The following KDM4C variants were observed in gnomAD, a reference collection of about 807,000 sequenced individuals.
KDM4C encodes the protein lysine-specific demethylase 4C.
In KDM4C, 81 loss-of-function variants were observed where a neutral mutation model predicts 129.3. The observed-to-expected ratio is 0.63, with a 90% CI of 0.52 to 0.75. KDM4C has a LOEUF of 0.75. KDM4C is among the 30% of genes least tolerant of loss of function. The pLI, the probability that KDM4C is intolerant of heterozygous loss-of-function variation, is 0.00. For missense variants in KDM4C, 1,457 were observed against 1,304.0 expected, an observed-to-expected ratio of 1.12 and a Z score of -1.81; for synonymous variants, 573 against 456.1, an observed-to-expected ratio of 1.26 and a Z score of -3.26.
intron 15 of KDM4C, among the ~76,000 whole-genome samples, chr9:7,022,015 T>C (rs1488322928): frequency 1.3e-5 from 2 of 152,230 alleles, no homozygotes; most frequent in African/African-American, 4.8e-5. Context: ...CTGATCTAAG[T>C]GTCTGTTTTT....
chr9:7,103,821 C>A lies in KDM4C; in HGVS notation c.2561C>A (p.Pro854His). ...AGVLMEPDDW[P>H]YVVNITCFRH... Reference sequence around the variant, plus strand: ...GTACTGATGGAGCCTGATGACTGGCCTTATGTGGTGAACATTACATGCTTT... The same window carrying A: ...GTACTGATGGAGCCTGATGACTGGCATTATGTGGTGAACATTACATGCTTT... The change falls in exon 18 of 22, where the codon CCT (proline) becomes CAT (histidine). Residue 854 changes from proline (P) to histidine (H), a missense_variant. Transcript: ENST00000381309. 6.2e-7 allele frequency: 1 copy of A among 1,614,012 alleles called. No individual in the cohort carries two copies. Among genetic ancestry groups the A allele is most frequent in the Non-Finnish European group, 8.5e-7 (1 of 1,179,944 alleles).
intron 4 of KDM4C, among the ~76,000 whole-genome samples, chr9:6,840,094 G>C (rs1248662926): frequency 1.3e-5 from 2 of 150,352 alleles, no homozygotes; most frequent in East Asian, 3.9e-4. Flanking sequence ...TTTTTTTGGA[G>C]ACAGGTCTCA....
Position 7,154,766 on chromosome 9 carries a change from T to A in KDM4C, c.2782-10472T>A, listed in dbSNP as rs930145380. Among the ~76,000 whole-genome samples, 62 of 152,312 alleles carry A rather than the reference T, an allele frequency of 4.1e-4. 1 individual carries two copies. Among genetic ancestry groups the A allele is most frequent in the Non-Finnish European group, 5.9e-5 (4 of 68,022 alleles). ...ATGATTTCTGTCTTTAATTTTCACA[T>A]CATCTATTTAGTACTGCAGCTACGG... On this transcript the variant is annotated intron_variant, in intron 19 of 21. Coordinates refer to ENST00000381309, the MANE Select transcript of KDM4C (RefSeq NM_015061.6).
chr9:7,076,333 G>A, intron 17 of KDM4C: 1 of 788,254 alleles, frequency 1.3e-6, no homozygotes. Flanking sequence ...TCTGAGCTGG[G>A]ATTAAATTAG....
chr9:7,144,623 C>T (rs971248935), intron 19 of KDM4C, among the ~76,000 whole-genome samples: 1 of 152,206 alleles, frequency 6.6e-6, no homozygotes, highest in Non-Finnish European at 1.5e-5. Flanking sequence ...GAATGTGGCC[C>T]CTGGCCCCAC....
In KDM4C at chr9:6,816,663, G is replaced by A. The variant is rs73639365; in HGVS notation, c.435+1918G>A. Among the ~76,000 whole-genome samples, 478 of 152,066 alleles carry A rather than the reference G, an allele frequency of 3.1e-3. 1 individual carries two copies. The highest frequency in any genetic ancestry group is 0.011 in the African/African-American group (453 of 41,482). On this transcript the variant is annotated intron_variant, in intron 4 of 21. Coordinates refer to ENST00000381309, the MANE Select transcript of KDM4C (RefSeq NM_015061.6). Reference sequence around the variant, plus strand: ...ATAGCAATGTTTTCAAGTTTCCTTTGCCCCACATCCTCCCTAACACTCGAT... The same window carrying A: ...ATAGCAATGTTTTCAAGTTTCCTTTACCCCACATCCTCCCTAACACTCGAT...
At chr9:6,776,628 G>T (rs1487450331) in intron 1 of KDM4C, among the ~76,000 whole-genome samples, 12 of 136,682 alleles carry the variant, frequency 8.8e-5, no homozygotes, top group Non-Finnish European at 1.7e-4. Flanking sequence ...TTTTAAGTTG[G>T]AGTTTTGCTC....
intron 5 of KDM4C, among the ~76,000 whole-genome samples, chr9:6,875,152 C>T (rs1432841874): frequency 6.6e-6 from 1 of 152,096 alleles, no homozygotes; most frequent in Non-Finnish European, 1.5e-5. Flanking sequence ...TCCAGGACTT[C>T]CATCTTGGAG....
chr9:7,087,752 A>G (rs1450491905), intron 17 of KDM4C, among the ~76,000 whole-genome samples: 7 of 152,182 alleles, frequency 4.6e-5, no homozygotes, highest in Admixed American at 4.6e-4. Context: ...TGGATGATGG[A>G]GTTATCAAAT....
chr9:7,119,666 T>A lies in KDM4C; in HGVS notation c.2611-8400T>A, dbSNP rs569249292. ...AAAAAAGAAAGAAAAACAAGTTTATTTTTCTAATATAATTATTTGTTTGTA... is the reference window on the plus strand; with the variant it reads ...AAAAAAGAAAGAAAAACAAGTTTATATTTCTAATATAATTATTTGTTTGTA... On this transcript the variant is annotated intron_variant, in intron 18 of 21. Coordinates refer to ENST00000381309, the MANE Select transcript of KDM4C (RefSeq NM_015061.6). 5.9e-5 allele frequency among the ~76,000 whole-genome samples: 9 copies of A among 152,224 alleles called. No homozygotes were observed. The East Asian group carries it at 1.7e-3, about 29-fold the overall frequency.
chr9:6,721,108 C>G (rs776372681), intron 1 of KDM4C: 36 of 1,029,758 alleles, frequency 3.5e-5, no homozygotes, highest in Non-Finnish European at 5.0e-5. Context: ...ATCAAGGTCT[C>G]TGTTGCCCAG....
intron 4 of KDM4C, among the ~76,000 whole-genome samples, chr9:6,817,117 G>A (rs760741529): frequency 2.6e-5 from 4 of 151,606 alleles, no homozygotes; most frequent in Admixed American, 2.6e-4. Flanking sequence ...ATAACACGAG[G>A]GTTGGGATTT....
intron 4 of KDM4C, among the ~76,000 whole-genome samples, chr9:6,833,194 A>G (rs1046832125): frequency 5.3e-5 from 8 of 152,174 alleles, no homozygotes; most frequent in Non-Finnish European, 1.0e-4. Flanking sequence ...ATTTTCTACA[A>G]GAGCCATCTG....
chr9:6,759,010 G>C (rs1012861009), intron 1 of KDM4C, among the ~76,000 whole-genome samples: 1 of 148,538 alleles, frequency 6.7e-6, no homozygotes, highest in Non-Finnish European at 1.5e-5. Flanking sequence ...TTGCTGCGCG[G>C]TGCAAGCCTG....
At chr9:7,125,686 G>T (rs988183718) in intron 18 of KDM4C, among the ~76,000 whole-genome samples, 1 of 152,210 alleles carries the variant, frequency 6.6e-6, no homozygotes, top group South Asian at 2.1e-4. Flanking sequence ...TATTTCCCAG[G>T]AGTGTTCTAA....
intron 8 of KDM4C, among the ~76,000 whole-genome samples, chr9:6,956,764 G>A (rs1255224022): frequency 6.6e-6 from 1 of 152,186 alleles, no homozygotes; most frequent in Non-Finnish European, 1.5e-5. Context: ...GATGTTGTCT[G>A]TGCAGCTTAG....
At position 7,174,651 on chromosome 9, in the gene KDM4C, G is replaced by C. The variant is rs2130556398; in HGVS notation, c.3093G>C (p.Lys1031Asn). 1 of 1,614,176 alleles carries C rather than the reference G, an allele frequency of 6.2e-7. No homozygotes were observed. Among genetic ancestry groups the C allele is most frequent in the Non-Finnish European group, 8.5e-7 (1 of 1,179,992 alleles). ...AAAGAGTGCTGAGCTCCAGGTTTAA[G>C]AATGAATATGTGGCCGACCCTGTAT... The part of the protein sequence containing the change: ...KRQRVLSSRF[K>N]NEYVADPVYR... Residue 1031 changes from lysine to asparagine, a missense_variant, in exon 22 of 22, where the codon AAG becomes AAC. Lys to Asn is a moderately conservative substitution (Grantham distance 94). Transcript: ENST00000381309.
At chr9:7,072,991 A>G (rs1309999481) in intron 17 of KDM4C, among the ~76,000 whole-genome samples, 1 of 152,154 alleles carries the variant, frequency 6.6e-6, no homozygotes, top group African/African-American at 2.4e-5. Context: ...AAAGTGGTGA[A>G]GAAAAGTAGT....
At chr9:6,915,812 A>C (rs1485117186) in intron 8 of KDM4C, among the ~76,000 whole-genome samples, 2 of 152,162 alleles carry the variant, frequency 1.3e-5, no homozygotes, top group African/African-American at 4.8e-5. Context: ...GCTGCCTGTT[A>C]ATAGTGATGA....
Sources: gnomAD v4.1 joint callset for allele counts (sites outside exome capture counted in the v4.1 genomes callset) on GRCh38, gnomAD v4.1.1 for gene constraint, MANE v1.5 for transcripts, NCBI Gene and HGNC (gene_info 2026-07-23, HGNC 2026-07-21) for gene names.